Variants in NXPH1 observed in about 807,000 individuals in gnomAD.
NXPH1 encodes neurexophilin 1.
In NXPH1, 5 loss-of-function variants were observed where a neutral mutation model predicts 23.7. That is an observed-to-expected ratio of 0.21 (90% CI 0.11 to 0.44). The LOEUF (loss-of-function observed/expected upper bound fraction) is 0.44, where lower values mean the gene tolerates loss of function less well. Ranked by LOEUF, NXPH1 falls within the 20% of genes least tolerant of loss-of-function variation. The pLI is 0.99. For synonymous variants in NXPH1, 144 were observed against 122.2 expected, an observed-to-expected ratio of 1.18 and a Z score of -1.18; for missense variants, 324 against 321.6, an observed-to-expected ratio of 1.01 and a Z score of -0.06.
intron 2 of NXPH1, among the ~76,000 whole-genome samples, chr7:8,443,565 G>A (rs1379620130): frequency 1.3e-5 from 2 of 152,262 alleles, no homozygotes; most frequent in South Asian, 2.1e-4. Context: ...TTAGCGGCGC[G>A]CAGGGGTGAG....
chr7:8,730,710 G>A (rs1019546324), intron 2 of NXPH1, among the ~76,000 whole-genome samples: 16 of 152,158 alleles, frequency 1.1e-4, no homozygotes, highest in South Asian at 4.2e-4. Context: ...CGAGAGATCC[G>A]CTGTTAGTCT....
At chr7:8,603,026 G>T (rs1819397345) in intron 2 of NXPH1, among the ~76,000 whole-genome samples, 1 of 152,132 alleles carries the variant, frequency 6.6e-6, no homozygotes, top group African/African-American at 2.4e-5. Context: ...GGTCAGGTTG[G>T]TCTCGAACTT....
Position 8,696,534 on chromosome 7 carries a change from A to G in NXPH1, c.55-54474A>G, listed in dbSNP as rs527745252. On this transcript the variant is annotated intron_variant, in intron 2 of 2. Transcript: ENST00000405863. ...GGTTGAGAAAGATCTCTCTGGGGAT[A>G]TAACTTTTTAAACGGACACCTGAAT... Among the ~76,000 whole-genome samples the G allele has an allele frequency of 3.2e-4, 48 of 152,330 alleles. 2 individuals are homozygous for G. In the South Asian group the frequency reaches 9.7e-3, roughly 31 times the overall value.
chr7:8,576,431 T>C (rs975067083), intron 2 of NXPH1, among the ~76,000 whole-genome samples: 2 of 152,150 alleles, frequency 1.3e-5, no homozygotes, highest in Non-Finnish European at 2.9e-5. Context: ...ATGTGTATAA[T>C]AGGAAGAACT....
rs1485070918 is a variant in NXPH1 at position 8,702,001 on chromosome 7, A to G, written c.55-49007A>G. On this transcript the variant is annotated intron_variant, in intron 2 of 2. Transcript: ENST00000405863. ...AAATGTACCAATTTATCTGTTAACT[A>G]TTTGCTTCCCAAATAATTATTCATG... Among the ~76,000 whole-genome samples, 3 of 151,352 alleles carry G rather than the reference A, an allele frequency of 2.0e-5. No homozygotes were observed. In the East Asian group the frequency reaches 5.8e-4, roughly 29 times the overall value.
At chr7:8,543,550 G>A (rs1367870550) in intron 2 of NXPH1, among the ~76,000 whole-genome samples, 1 of 151,538 alleles carries the variant, frequency 6.6e-6, no homozygotes, top group Admixed American at 6.6e-5. Flanking sequence ...CTAAAACTGG[G>A]GGCTCAGGAA....
intron 2 of NXPH1, among the ~76,000 whole-genome samples, chr7:8,686,611 A>G (rs1334358658): frequency 6.6e-6 from 1 of 152,182 alleles, no homozygotes; most frequent in African/African-American, 2.4e-5. Flanking sequence ...CTGTTCTGAT[A>G]TGTAATGAGA....
intron 2 of NXPH1, among the ~76,000 whole-genome samples, chr7:8,440,216 G>T (rs1285599669): frequency 6.6e-6 from 1 of 152,214 alleles, no homozygotes; most frequent in East Asian, 1.9e-4. Flanking sequence ...TACTATTCTA[G>T]GCATTTCCCT....
intron 2 of NXPH1, among the ~76,000 whole-genome samples, chr7:8,664,882 TG>T (rs1446833987): frequency 6.6e-6 from 1 of 152,116 alleles, no homozygotes; most frequent in East Asian, 1.9e-4. Flanking sequence ...AGATTTTTTT[TG>T]CTATTAAGTT....
At chr7:8,736,188 T>C (rs1028389981) in intron 2 of NXPH1, among the ~76,000 whole-genome samples, 7 of 152,224 alleles carry the variant, frequency 4.6e-5, no homozygotes, top group African/African-American at 1.4e-4. Context: ...ATTTGTTTGC[T>C]CTTGCTTCTC....
intron 2 of NXPH1, among the ~76,000 whole-genome samples, chr7:8,568,047 A>G (rs531161945): frequency 1.7e-4 from 26 of 152,016 alleles, no homozygotes; most frequent in African/African-American, 5.5e-4. Flanking sequence ...TCAACGTCCC[A>G]TGCTATTTTC....
intron 2 of NXPH1, among the ~76,000 whole-genome samples, chr7:8,619,599 T>G (rs1371404660): frequency 6.6e-6 from 1 of 152,184 alleles, no homozygotes; most frequent in African/African-American, 2.4e-5. Context: ...CCTCACTGAC[T>G]CTTGTGGATT....
chr7:8,604,129 C>A (rs1819424416), intron 2 of NXPH1, among the ~76,000 whole-genome samples: 1 of 152,060 alleles, frequency 6.6e-6, no homozygotes, highest in Admixed American at 6.6e-5. Flanking sequence ...TGGTAGCTGC[C>A]CTTAATGTTG....
intron 2 of NXPH1, among the ~76,000 whole-genome samples, chr7:8,533,230 CT>C (rs931806374): frequency 1.3e-5 from 2 of 152,110 alleles, no homozygotes; most frequent in African/African-American, 2.4e-5. Flanking sequence ...GATCACCTAT[CT>C]TTTTTTCTTC....
intron 2 of NXPH1, among the ~76,000 whole-genome samples, chr7:8,675,162 T>G (rs1820931558): frequency 6.6e-6 from 1 of 152,098 alleles, no homozygotes; most frequent in Non-Finnish European, 1.5e-5. Context: ...CTTCTATTTA[T>G]TTTATATAAT....
Position 8,665,917 on chromosome 7 carries a change from T to G in NXPH1, c.55-85091T>G, listed in dbSNP as rs1433967477. On this transcript the variant is annotated intron_variant, in intron 2 of 2. Transcript: ENST00000405863. ...GTTCTAAGAGGTTTTTTTTTCTTTT[T>G]CTTTTTTTTTTTTTTTTGAAGGAGT... 5.7e-3 allele frequency among the ~76,000 whole-genome samples: 143 copies of G among 25,090 alleles called. 1 individual carries two copies. The highest frequency in any genetic ancestry group is 0.011 in the African/African-American group (138 of 12,534). 16.5% of individuals were successfully genotyped at this position (25,090 alleles called of 152,430 possible). A position where few individuals can be genotyped will look rare whatever the true frequency, so the allele number is the denominator to read the frequency against.
chr7:8,436,358 C>T (rs190925303), intron 2 of NXPH1, among the ~76,000 whole-genome samples: 3 of 152,336 alleles, frequency 2.0e-5, no homozygotes, highest in Admixed American at 2.0e-4. Context: ...ACCTTCCTCT[C>T]GTCTCGACCT....
chr7:8,612,576 C>A (rs1268597543), intron 2 of NXPH1, among the ~76,000 whole-genome samples: 1 of 152,002 alleles, frequency 6.6e-6, no homozygotes. Flanking sequence ...AGAGTCTAAT[C>A]AGTTCTGCAT....
At chr7:8,505,327 A>G (rs1817505171) in intron 2 of NXPH1, among the ~76,000 whole-genome samples, 1 of 151,896 alleles carries the variant, frequency 6.6e-6, no homozygotes, top group Non-Finnish European at 1.5e-5. Context: ...AACCTTCTTG[A>G]TCTTTGAAGG....
Sources: allele counts gnomAD v4.1 joint callset (sites outside exome capture counted in the v4.1 genomes callset), GRCh38; gene constraint gnomAD v4.1.1; transcripts MANE v1.5; gene names NCBI Gene and HGNC (gene_info 2026-07-23, HGNC 2026-07-21).